Variants in OPCML observed in about 807,000 individuals in gnomAD.
The protein encoded by OPCML is opioid-binding protein/cell adhesion molecule.
OPCML carries 13 observed loss-of-function variants against 37.8 expected under a neutral mutation model. That is an observed-to-expected ratio of 0.34 (90% CI 0.22 to 0.55). The LOEUF is 0.55. Ranked by LOEUF, OPCML falls within the 20% of genes least tolerant of loss-of-function variation. OPCML has a pLI of 0.91. For synonymous variants in OPCML, 176 were observed against 168.8 expected (o/e 1.04, Z -0.33); for missense variants, 341 against 435.6 (o/e 0.78, Z 1.93).
At chr11:132,968,044 T>C (rs1038156434) in intron 1 of OPCML, among the ~76,000 whole-genome samples, 5 of 152,234 alleles carry the variant, frequency 3.3e-5, no homozygotes, top group Admixed American at 3.3e-4. Context: ...GGTTCACCTT[T>C]GGTGTTGTAC....
chr11:133,152,396 G>A (rs1949998947), intron 1 of OPCML, among the ~76,000 whole-genome samples: 1 of 152,288 alleles, frequency 6.6e-6, no homozygotes, highest in East Asian at 1.9e-4. Flanking sequence ...TAAGAACTCG[G>A]AGTTTCCTTT....
chr11:133,093,876 A>C (rs750392247), intron 1 of OPCML, among the ~76,000 whole-genome samples: 1 of 152,176 alleles, frequency 6.6e-6, no homozygotes, highest in Non-Finnish European at 1.5e-5. Flanking sequence ...AATTCAATTC[A>C]CTTGAAAAAC....
intron 2 of OPCML, among the ~76,000 whole-genome samples, chr11:132,815,033 T>A (rs1939551142): frequency 6.6e-6 from 1 of 152,192 alleles, no homozygotes; most frequent in African/African-American, 2.4e-5. Context: ...CCCAAAGAGC[T>A]TAGTTTCATT....
chr11:132,489,526 T>C (rs2096209556), intron 4 of OPCML, among the ~76,000 whole-genome samples: 2 of 152,212 alleles, frequency 1.3e-5, no homozygotes, highest in African/African-American at 4.8e-5. Flanking sequence ...TGCAAATGGT[T>C]GGGCTATACC....
chr11:133,017,622 C>T (rs570556217), intron 1 of OPCML, among the ~76,000 whole-genome samples: 1 of 152,306 alleles, frequency 6.6e-6, no homozygotes, highest in African/African-American at 2.4e-5. Flanking sequence ...CTCCCGATCT[C>T]AGGTGATCTG....
chr11:133,513,502 T>C (rs1409441154), intron 1 of OPCML, among the ~76,000 whole-genome samples: 1 of 152,226 alleles, frequency 6.6e-6, no homozygotes, highest in Admixed American at 6.5e-5. Flanking sequence ...AACTCAAATG[T>C]CATCTCATCT....
intron 2 of OPCML, among the ~76,000 whole-genome samples, chr11:132,767,891 A>C (rs1278427555): frequency 6.6e-6 from 1 of 152,174 alleles, no homozygotes; most frequent in Non-Finnish European, 1.5e-5. Flanking sequence ...AGAGTCTAGA[A>C]ATATTTTATA....
rs373168431 is a variant in OPCML, at chr11:132,615,548, T to C, written c.379+41539A>G. Among the ~76,000 whole-genome samples the C allele has an allele frequency of 9.9e-5, 15 of 152,218 alleles. No individual in the cohort carries two copies. The East Asian group carries it at 2.1e-3, about 22-fold the overall frequency. On this transcript the variant is annotated intron_variant, in intron 3 of 7. Transcript: ENST00000524381. The stretch of plus-strand genomic sequence containing the variant: ...AATATAAATAGCAAAAATATAAAAC[T>C]ACAGCATAACAACTATCTATGTAGC...
chr11:133,061,920 A>C (rs1262519732), intron 1 of OPCML, among the ~76,000 whole-genome samples: 2 of 152,158 alleles, frequency 1.3e-5, no homozygotes, highest in African/African-American at 4.8e-5. Context: ...GGGGCTGAAA[A>C]GTTTGAGAAT....
intron 1 of OPCML, among the ~76,000 whole-genome samples, chr11:133,379,819 T>C (rs191282388): frequency 6.6e-6 from 1 of 152,274 alleles, no homozygotes; most frequent in African/African-American, 2.4e-5. Flanking sequence ...GCTCCAAATA[T>C]TCCTGTAGTA....
intron 1 of OPCML, among the ~76,000 whole-genome samples, chr11:133,275,048 A>T (rs1186269789): frequency 6.6e-6 from 1 of 152,158 alleles, no homozygotes; most frequent in East Asian, 1.9e-4. Flanking sequence ...CACAATTAAC[A>T]ATTAAATTGA....
chr11:133,202,237 C>T (rs1051841979), intron 1 of OPCML, among the ~76,000 whole-genome samples: 1 of 152,168 alleles, frequency 6.6e-6, no homozygotes, highest in African/African-American at 2.4e-5. Flanking sequence ...TCCTTCCCTC[C>T]TGCACTAGGT....
At chr11:132,650,187 C>T (rs1389996138) in intron 3 of OPCML, among the ~76,000 whole-genome samples, 2 of 152,108 alleles carry the variant, frequency 1.3e-5, no homozygotes, top group Non-Finnish European at 2.9e-5. Context: ...TACAGTCACC[C>T]CTAACTAGCA....
Position 133,480,484 on chromosome 11 carries a change from C to T in OPCML, c.61+51780G>A, listed in dbSNP as rs994906712. ...CAGGGCCTTCTGCCTTCCACTTGCT[C>T]GCCACGTGACTTAAGAGCCACAGTG... is the stretch of plus-strand genomic sequence containing the variant. On this transcript the variant is annotated intron_variant, in intron 1 of 7. Coordinates refer to ENST00000524381, the MANE Select transcript of OPCML (RefSeq NM_001012393.5). Among the ~76,000 whole-genome samples the T allele has an allele frequency of 3.9e-5, 6 of 152,164 alleles. 1 individual carries two copies. The highest frequency in any genetic ancestry group is 4.1e-4 in the South Asian group (2 of 4,826).
intron 2 of OPCML, among the ~76,000 whole-genome samples, chr11:132,809,913 G>A (rs1038675411): frequency 1.3e-5 from 2 of 152,088 alleles, no homozygotes; most frequent in Non-Finnish European, 2.9e-5. Context: ...GCAGTGGCGC[G>A]ATCTCGGCTC....
rs1318475393 is a variant in OPCML at position 133,261,235 on chromosome 11, T to C, written c.61+271029A>G. Reference sequence around the variant, plus strand: ...TACGTCACATCCAAATATGGCCACCTCTTGGATCTTCGAATAAGGAAACTT... The same window carrying C: ...TACGTCACATCCAAATATGGCCACCCCTTGGATCTTCGAATAAGGAAACTT... On this transcript the variant is annotated intron_variant, in intron 1 of 7. Coordinates refer to ENST00000524381, the MANE Select transcript of OPCML (RefSeq NM_001012393.5). Among the ~76,000 whole-genome samples the C allele has an allele frequency of 2.6e-5, 4 of 152,226 alleles. 1 individual carries two copies. The South Asian group carries it at 8.3e-4, about 32-fold the overall frequency.
chr11:133,252,335 T>C (rs143948653), intron 1 of OPCML, among the ~76,000 whole-genome samples: 2 of 152,342 alleles, frequency 1.3e-5, no homozygotes, highest in East Asian at 1.9e-4. Context: ...CATCTTATTA[T>C]AGGGTTGATG....
At chr11:132,975,411 G>C (rs1946436381) in intron 1 of OPCML, among the ~76,000 whole-genome samples, 1 of 150,906 alleles carries the variant, frequency 6.6e-6, no homozygotes, top group Admixed American at 6.6e-5. Flanking sequence ...GAAAGGCAAT[G>C]AGGAAGAAGC....
chr11:132,683,915 C>A (rs76191066), intron 2 of OPCML, among the ~76,000 whole-genome samples: 3,501 of 152,122 alleles, frequency 0.023, 138 homozygotes, highest in African/African-American at 0.08. Flanking sequence ...ATATTCTATA[C>A]CTCTAGCTAC....
Sources: allele counts gnomAD v4.1 joint callset (sites outside exome capture counted in the v4.1 genomes callset), GRCh38; gene constraint gnomAD v4.1.1; transcripts MANE v1.5; gene names NCBI Gene and HGNC (gene_info 2026-07-23, HGNC 2026-07-21).